PDCL2: variants seen among roughly 807,000 people sequenced by gnomAD.
PDCL2 encodes phosducin like 2, also known as phosducin-like protein 2.
Under a neutral mutation model 30.3 loss-of-function variants are expected in PDCL2, and 23 were observed. That is an observed-to-expected ratio of 0.76 (90% CI 0.55 to 1.08). The LOEUF is 1.08. Among genes scored for constraint, PDCL2 ranks in the 50% least tolerant of loss-of-function variants. The probability of loss-of-function intolerance (pLI) is 0.00; values close to 1 mark genes in which losing one functional copy is unlikely to be tolerated. For missense variants in PDCL2, 243 were observed against 282.3 expected (o/e 0.86, Z 1.00); for synonymous variants, 68 against 86.2 (o/e 0.79, Z 1.17).
At chr4:55,570,877 G>A (rs552470251) in intron 3 of PDCL2, among the ~76,000 whole-genome samples, 2 of 152,238 alleles carry the variant, frequency 1.3e-5, no homozygotes, top group South Asian at 4.1e-4. Flanking sequence ...CTTTCTCTGT[G>A]TATTAACCAT....
chr4:55,578,060 C>T (rs956182830), intron 3 of PDCL2, among the ~76,000 whole-genome samples: 3 of 152,116 alleles, frequency 2.0e-5, no homozygotes, highest in African/African-American at 7.2e-5. Flanking sequence ...AAGGTCTTCT[C>T]AGGTATTTTT....
At chr4:55,573,570 T>C (rs1732485472) in intron 3 of PDCL2, among the ~76,000 whole-genome samples, 1 of 152,006 alleles carries the variant, frequency 6.6e-6, no homozygotes, top group African/African-American at 2.4e-5. Flanking sequence ...GCCAACGTGG[T>C]GAAATGCTGT....
chr4:55,591,627 G>A (rs1442185631), intron 1 of PDCL2, among the ~76,000 whole-genome samples: 2 of 152,088 alleles, frequency 1.3e-5, no homozygotes, highest in Non-Finnish European at 2.9e-5. Context: ...CCTGTGATCC[G>A]CCCGCCTCCG....
At chr4:55,577,778 T>C (rs953286730) in intron 3 of PDCL2, among the ~76,000 whole-genome samples, 1 of 152,230 alleles carries the variant, frequency 6.6e-6, no homozygotes, top group African/African-American at 2.4e-5. Flanking sequence ...TAAGCATCCG[T>C]AAGATAGTTG....
At chr4:55,578,089 G>A (rs532689845) in intron 3 of PDCL2, among the ~76,000 whole-genome samples, 43 of 152,154 alleles carry the variant, frequency 2.8e-4, no homozygotes, top group Admixed American at 8.5e-4. Flanking sequence ...CATCTTCCCC[G>A]GAGTAAATGC....
rs181704207 is a variant in PDCL2 at position 55,585,432 on chromosome 4, G to A, written c.7-3195C>T. ...AATCCCAGCTACTCGGGAGACTGAG[G>A]CAGGAGAATCACTTGAACCCGGGAG... On this transcript the variant is annotated intron_variant, in intron 1 of 5. Transcript: ENST00000295645. Among the ~76,000 whole-genome samples, 456 of 152,192 alleles carry A rather than the reference G, an allele frequency of 3.0e-3. 3 individuals are homozygous for A. Among genetic ancestry groups the A allele is most frequent in the African/African-American group, 0.011 (443 of 41,512 alleles).
At chr4:55,558,919 T>C (rs1328765436) in intron 5 of PDCL2, among the ~76,000 whole-genome samples, 2 of 152,028 alleles carry the variant, frequency 1.3e-5, no homozygotes, top group Non-Finnish European at 2.9e-5. Context: ...AAACAACATA[T>C]GCACACACAC....
intron 3 of PDCL2, among the ~76,000 whole-genome samples, chr4:55,575,525 A>G (rs1261766635): frequency 6.6e-6 from 1 of 152,250 alleles, no homozygotes; most frequent in African/African-American, 2.4e-5. Context: ...AAAACTTCCC[A>G]AATTTGATGA....
chr4:55,563,678 C>A (rs1292202086), intron 4 of PDCL2, among the ~76,000 whole-genome samples: 1 of 152,138 alleles, frequency 6.6e-6, no homozygotes. Context: ...CCCAAACCCT[C>A]CAATGGGGGA....
chr4:55,565,973 G>GTT (rs71194595), intron 4 of PDCL2, among the ~76,000 whole-genome samples: 3,417 of 74,544 alleles, frequency 0.046, 301 homozygotes, highest in East Asian at 0.094. Flanking sequence ...CCATTTTTCT[G>GTT]TTTTTTTTTT....
intron 4 of PDCL2, among the ~76,000 whole-genome samples, chr4:55,568,847 C>G (rs537758678): frequency 3.3e-5 from 5 of 152,132 alleles, no homozygotes; most frequent in Non-Finnish European, 7.4e-5. Flanking sequence ...ATATAACAAA[C>G]CTTGCTAAAA....
intron 1 of PDCL2, among the ~76,000 whole-genome samples, chr4:55,586,494 T>C (rs1732867644): frequency 6.6e-6 from 1 of 152,240 alleles, no homozygotes; most frequent in South Asian, 2.1e-4. Context: ...GACTATGTTG[T>C]AGCATGTAGC....
chr4:55,578,311 C>T (rs1449031492), intron 3 of PDCL2, among the ~76,000 whole-genome samples: 1 of 152,116 alleles, frequency 6.6e-6, no homozygotes, highest in African/African-American at 2.4e-5. Flanking sequence ...TTATTGTCCA[C>T]CCTGGCTCCA....
chr4:55,566,192 G>T (rs1732263504), intron 4 of PDCL2, among the ~76,000 whole-genome samples: 1 of 151,620 alleles, frequency 6.6e-6, no homozygotes, highest in South Asian at 2.1e-4. Context: ...ATGTTGGCCA[G>T]GCTGGTCTCA....
chr4:55,582,745 A>AT (rs1732757700), intron 1 of PDCL2, among the ~76,000 whole-genome samples: 1 of 140,708 alleles, frequency 7.1e-6, no homozygotes, highest in Non-Finnish European at 1.6e-5. Flanking sequence ...TCCTAATGCT[A>AT]TCCCTCCCCC....
intron 1 of PDCL2, among the ~76,000 whole-genome samples, chr4:55,589,035 T>G (rs1022895673): frequency 6.6e-6 from 1 of 151,914 alleles, no homozygotes; most frequent in Non-Finnish European, 1.5e-5. Context: ...TTTTTTGTAT[T>G]TTTTTAGTAG....
intron 5 of PDCL2, among the ~76,000 whole-genome samples, chr4:55,560,025 A>G (rs1732083346): frequency 6.6e-6 from 1 of 152,198 alleles, no homozygotes; most frequent in East Asian, 1.9e-4. Flanking sequence ...TGTAAGATGA[A>G]AAAACTTCTG....
At chr4:55,583,875 C>G (rs1421408258) in intron 1 of PDCL2, among the ~76,000 whole-genome samples, 3 of 152,122 alleles carry the variant, frequency 2.0e-5, no homozygotes, top group Non-Finnish European at 4.4e-5. Flanking sequence ...TCAAGATTGT[C>G]TTAGCTATTC....
intron 4 of PDCL2, among the ~76,000 whole-genome samples, chr4:55,566,790 A>G (rs980919419): frequency 1.1e-5 from 1 of 90,660 alleles, no homozygotes; most frequent in African/African-American, 4.2e-5. Flanking sequence ...AGTGGCCCAG[A>G]AAAACCTTCT....
Sources: gnomAD v4.1 joint callset for allele counts (sites outside exome capture counted in the v4.1 genomes callset) on GRCh38, gnomAD v4.1.1 for gene constraint, MANE v1.5 for transcripts, NCBI Gene and HGNC (gene_info 2026-07-23, HGNC 2026-07-21) for gene names.